The following NOC4L variants were observed in gnomAD, a reference collection of about 807,000 sequenced individuals.
NOC4L encodes nucleolar complex associated 4 homolog, also known as nucleolar complex protein 4 homolog.
NOC4L carries 40 observed loss-of-function variants against 62.8 expected under a neutral mutation model. The observed-to-expected ratio is 0.64, with a 90% CI of 0.49 to 0.83. The LOEUF (loss-of-function observed/expected upper bound fraction) is 0.83. Ranked by LOEUF, NOC4L falls within the 40% of genes least tolerant of loss-of-function variation. The probability of loss-of-function intolerance (pLI) is 0.00; values close to 1 mark genes in which losing one functional copy is unlikely to be tolerated. For missense variants in NOC4L, 927 were observed against 701.9 expected (o/e 1.32, Z -3.62); for synonymous variants, 433 against 299.8 (o/e 1.44, Z -4.59).
At chr12:132,148,570 G>A (rs559734025) in intron 7 of NOC4L, 39 bp from the exon 8 acceptor site, 2 of 1,548,748 alleles carry the variant, frequency 1.3e-6, no homozygotes, top group East Asian at 4.9e-5. Context: ...CTGGTCTGGG[G>A]TGGGGAGGGC....
In NOC4L at chr12:132,152,378, G is replaced by A; in HGVS notation, c.1528G>A (p.Ala510Thr). The A allele has an allele frequency of 6.3e-7, 1 of 1,580,300 alleles. No homozygotes were observed. Among genetic ancestry groups the A allele is most frequent in the Non-Finnish European group, 8.6e-7 (1 of 1,162,068 alleles). The change falls in exon 15 of 15, where the codon GCC becomes ACC. Residue 510 changes from alanine (A) to threonine (T), a missense_variant. Physicochemically the swap from Ala to Thr is moderately conservative, Grantham distance 58 (BLOSUM62 0). Coordinates refer to ENST00000330579, the MANE Select transcript of NOC4L (RefSeq NM_024078.3). Reference sequence around the variant, plus strand: ...GCTGGGACGGCCGGGTGAACTCTGTGCCCAGCACTTCACGCTCAGCTGACC... The same window carrying A: ...GCTGGGACGGCCGGGTGAACTCTGTACCCAGCACTTCACGCTCAGCTGACC... ...GLLGRPGELC[A>T]QHFTLS
At chr12:132,148,284 C>T (rs768679840) in intron 7 of NOC4L, among the ~76,000 whole-genome samples, 178 bp downstream of exon 7, 23 of 152,302 alleles carry the variant, frequency 1.5e-4, no homozygotes, top group East Asian at 3.9e-4. Context: ...CCTGTGAACT[C>T]GGGACCCTCC....
chr12:132,148,717 G>C (rs1362432025), intron 8 of NOC4L, 58 bp downstream of exon 8: 5 of 1,485,528 alleles, frequency 3.4e-6, no homozygotes, highest in Non-Finnish European at 3.6e-6. Flanking sequence ...CCAGGGCGGA[G>C]GCCTCACCCC....
In NOC4L at chr12:132,147,958, A is replaced by G. The variant is rs1565959411; in HGVS notation, c.682A>G (p.Ser228Gly). 6.2e-7 allele frequency: 1 copy of G among 1,610,140 alleles called. No homozygotes were observed. The change falls in exon 6 of 15, where the codon AGC becomes GGC. Residue 228 changes from serine to glycine, a missense_variant. Transcript: ENST00000330579. ...SLPRREPTVS[S>G]FYVKRAELWD... ...GCCCCGCCGGGAGCCCACCGTCTCC[A>G]GCTTCTATGTGAAGCGGGCGGGTGA... is the stretch of plus-strand genomic sequence containing the variant.
intron 3 of NOC4L, among the ~76,000 whole-genome samples, chr12:132,146,621 C>G (rs1386345811): frequency 1.3e-5 from 2 of 152,210 alleles, no homozygotes; most frequent in Non-Finnish European, 2.9e-5. Context: ...GCCAACACGT[C>G]TGTCTATAAT....
Position 132,151,331 on chromosome 12 carries a change from C to G in NOC4L, c.1036C>G (p.Arg346Gly), listed in dbSNP as rs745477959. The G allele has an allele frequency of 6.7e-5, 108 of 1,611,430 alleles. 2 individuals are homozygous for G. The South Asian group carries it at 1.2e-3, about 17-fold the overall frequency. Residue 346 changes from arginine (R) to glycine (G), a missense_variant, in exon 11 of 15, where the codon CGC (arginine) becomes GGC (glycine). Coordinates refer to ENST00000330579, the MANE Select transcript of NOC4L (RefSeq NM_024078.3). ...PSVFHVKYRA[R>G]FFHLADLFLS... ...TGTCTTTCACGTCAAGTACCGCGCC[C>G]GCTTCTTCCACCTGGCTGACCTCTT...
In NOC4L at chr12:132,148,103, G is replaced by C. The variant is rs745832393; in HGVS notation, c.735G>C (p.Leu245=). 6 of 1,613,252 alleles carry C rather than the reference G, an allele frequency of 3.7e-6. No homozygotes were observed. The highest frequency in any genetic ancestry group is 5.1e-6 in the Non-Finnish European group (6 of 1,179,936). ...ELWDTWKVAH[L]KEHRRVFQAM... ...GGGACACCTGGAAGGTTGCTCACCT[G>C]AAGGTGAGTTGCTTCTGGAGAGCCG... Residue 245 remains leucine (L), a synonymous_variant, in exon 7 of 15, where the codon CTG becomes CTC. Transcript: ENST00000330579.
rs1323272226 is a variant in NOC4L at position 132,144,555 on chromosome 12, G to C, written c.67G>C (p.Ala23Pro). The change falls in exon 1 of 15, where the codon GCG becomes CCG. Residue 23 changes from alanine (A) to proline (P), a missense_variant. Transcript: ENST00000330579. ...GGGCCGCCGGCTGGAGGCGGTGCTG[G>C]CGAGCCGCAGTGAGGCCAACGCCGT... Reference protein sequence around the residue: ...ALGRRLEAVLASRSEANAVFD... With the variant: ...ALGRRLEAVLPSRSEANAVFD... The C allele has an allele frequency of 6.6e-7, 1 of 1,520,846 alleles. No individual in the cohort carries two copies. Among genetic ancestry groups the C allele is most frequent in the Admixed American group, 2.0e-5 (1 of 49,792 alleles). 94.2% of individuals were successfully genotyped at this position (1,520,846 alleles called of 1,614,324 possible).
In NOC4L at chr12:132,148,949, G is replaced by A. The variant is rs1339073782; in HGVS notation, c.901+54G>A. ...ACCCCTAATCCCCTCGGTGAGTGCCGCCGCCTCACTCCTACCACACCCCTA... is the reference window on the plus strand; with the variant it reads ...ACCCCTAATCCCCTCGGTGAGTGCCACCGCCTCACTCCTACCACACCCCTA... On this transcript the variant is annotated intron_variant, in intron 9 of 14. Coordinates refer to ENST00000330579, the MANE Select transcript of NOC4L (RefSeq NM_024078.3). The A allele has an allele frequency of 4.0e-5, 15 of 375,616 alleles. 1 individual carries two copies. Among genetic ancestry groups the A allele is most frequent in the African/African-American group, 2.7e-4 (9 of 33,054 alleles). 23.3% of individuals were successfully genotyped at this position (375,616 alleles called of 1,614,324 possible).
In NOC4L at chr12:132,152,412, C is replaced by G; in HGVS notation, c.*11C>G. ...TTCACGCTCAGCTGACCCTGGCCCA[C>G]CTGTGAATAAATCTCAGCTGACCCC... On this transcript the variant is annotated 3_prime_UTR_variant, in exon 15 of 15. Transcript: ENST00000330579. 6.4e-7 allele frequency: 1 copy of G among 1,569,686 alleles called. No homozygotes were observed. Among genetic ancestry groups the G allele is most frequent in the Non-Finnish European group, 8.7e-7 (1 of 1,154,512 alleles).
chr12:132,152,317 G>C lies in NOC4L; in HGVS notation c.1467G>C (p.Glu489Asp), dbSNP rs541619548. The C allele has an allele frequency of 6.4e-7, 1 of 1,563,726 alleles. No individual in the cohort carries two copies. Among genetic ancestry groups the C allele is most frequent in the African/African-American group, 1.4e-5 (1 of 73,570 alleles). Residue 489 changes from glutamate to aspartate, a missense_variant, in exon 15 of 15, where the codon GAG (glutamate) becomes GAC (aspartate). Glu to Asp is a conservative substitution (Grantham distance 45). Transcript: ENST00000330579. ...FERDLKKKGP[E>D]PVPLEFIPAQ... ...GGGACCTGAAGAAGAAGGGGCCCGAGCCGGTGCCACTGGAGTTTATCCCAG... is the reference window on the plus strand; with the variant it reads ...GGGACCTGAAGAAGAAGGGGCCCGACCCGGTGCCACTGGAGTTTATCCCAG...
chr12:132,151,545 G>A lies in NOC4L; in HGVS notation c.1135G>A (p.Ala379Thr), dbSNP rs772628767. Residue 379 changes from alanine to threonine, a missense_variant, in exon 12 of 15, where the codon GCT (alanine) becomes ACT (threonine). Ala to Thr is a moderately conservative substitution (Grantham distance 58). Coordinates refer to ENST00000330579, the MANE Select transcript of NOC4L (RefSeq NM_024078.3). ...GCGGCTGGCCCGCCTGGCCCTGACG[G>A]CTCCCCCTGAGGCCCTGCTCATGGT... Reference protein sequence around the residue: ...AKRLARLALTAPPEALLMVLP... With the variant: ...AKRLARLALTTPPEALLMVLP... 1.9e-6 allele frequency: 3 copies of A among 1,608,746 alleles called. No individual in the cohort carries two copies. The highest frequency in any genetic ancestry group is 2.7e-5 in the African/African-American group (2 of 74,858).
In NOC4L at chr12:132,151,313, C is replaced by T; in HGVS notation, c.1018C>T (p.His340Tyr). ...LYGLLDPSVF[H>Y]VKYRARFFHL... ...CGGCCTCTTGGACCCCTCTGTCTTT[C>T]ACGTCAAGTACCGCGCCCGCTTCTT... The change falls in exon 11 of 15, where the codon CAC becomes TAC. Residue 340 changes from histidine (H) to tyrosine (Y), a missense_variant. His to Tyr is a moderately conservative substitution (Grantham distance 83, BLOSUM62 2). Coordinates refer to ENST00000330579, the MANE Select transcript of NOC4L (RefSeq NM_024078.3). 1.2e-6 allele frequency: 2 copies of T among 1,611,994 alleles called. No individual in the cohort carries two copies. Among genetic ancestry groups the T allele is most frequent in the African/African-American group, 1.3e-5 (1 of 75,060 alleles).
At position 132,147,941 on chromosome 12, in the gene NOC4L, G is replaced by A. The variant is rs761309796; in HGVS notation, c.665G>A (p.Arg222Gln). The A allele has an allele frequency of 1.6e-5, 26 of 1,607,880 alleles. No homozygotes were observed. Among genetic ancestry groups the A allele is most frequent in the African/African-American group, 2.7e-5 (2 of 74,940 alleles). ...CTGTCTGCCGTGAGCCTGCCCCGCCGGGAGCCCACCGTCTCCAGCTTCTAT... is the reference window on the plus strand; with the variant it reads ...CTGTCTGCCGTGAGCCTGCCCCGCCAGGAGCCCACCGTCTCCAGCTTCTAT... ...TLLSAVSLPR[R>Q]EPTVSSFYVK... is the part of the protein sequence containing the mutation. The change falls in exon 6 of 15, where the codon CGG becomes CAG. Residue 222 changes from arginine to glutamine, a missense_variant. Arg to Gln is a conservative substitution (Grantham distance 43, BLOSUM62 1). Coordinates refer to ENST00000330579, the MANE Select transcript of NOC4L (RefSeq NM_024078.3).
At position 132,151,730 on chromosome 12, in the gene NOC4L, AT is replaced by A. The variant is rs778428978; in HGVS notation, c.1235-6del. On this transcript the variant is annotated splice_polypyrimidine_tract_variant and splice_region_variant and intron_variant, in intron 12 of 14. Transcript: ENST00000330579. ...GACGGCAGACAAGGGCCCACGTCTC[AT>A]TCCTAGAGTTGGACGCCGACCCCTA... The A allele has an allele frequency of 5.0e-6, 8 of 1,612,050 alleles. No individual in the cohort carries two copies. The African/African-American group carries it at 8.0e-5, about 16-fold the overall frequency.
Position 132,147,360 on chromosome 12 carries a change from A to G in NOC4L, c.425A>G (p.Asn142Ser). ...HPLEKSKWEG[N>S]YLFPRELFKL... ...CTGGAGAAGTCCAAGTGGGAAGGCAACTACCTGTTCCCCCGAGAGCTCTTC... is the reference window on the plus strand; with the variant it reads ...CTGGAGAAGTCCAAGTGGGAAGGCAGCTACCTGTTCCCCCGAGAGCTCTTC... The change falls in exon 4 of 15, where the codon AAC (asparagine) becomes AGC (serine). Residue 142 changes from asparagine (N) to serine (S), a missense_variant. Asn to Ser is a conservative substitution (Grantham distance 46). Coordinates refer to ENST00000330579, the MANE Select transcript of NOC4L (RefSeq NM_024078.3). 6.3e-7 allele frequency: 1 copy of G among 1,597,736 alleles called. No homozygotes were observed. Among genetic ancestry groups the G allele is most frequent in the South Asian group, 1.1e-5 (1 of 88,592 alleles).
chr12:132,146,056 A>G (rs1180419003), intron 3 of NOC4L, among the ~76,000 whole-genome samples: 1 of 152,334 alleles, frequency 6.6e-6, no homozygotes, highest in African/African-American at 2.4e-5. Flanking sequence ...AAAGCTGAGA[A>G]GTTAGCATCT....
In NOC4L at chr12:132,148,912, CGCTCACACCACACCCCTA is replaced by C; in HGVS notation, c.901+18_901+35del. The C allele has an allele frequency of 2.0e-5, 22 of 1,115,328 alleles. No individual in the cohort carries two copies. In the South Asian group the frequency reaches 3.3e-4, roughly 17 times the overall value. 69.1% of individuals were successfully genotyped at this position (1,115,328 alleles called of 1,614,324 possible). On this transcript the variant is annotated intron_variant, in intron 9 of 14. Transcript: ENST00000330579. ...GCGACCTCGGTGAGTGCCGCCGCCTCGCTCACACCACACCCCTAATCCCCTCGGTGAGTGCCGCCGCCT... is the reference window on the plus strand; with the variant it reads ...GCGACCTCGGTGAGTGCCGCCGCCTCATCCCCTCGGTGAGTGCCGCCGCCT...
Position 132,148,603 on chromosome 12 carries a change from T to A in NOC4L, c.739-6T>A. 6.5e-7 allele frequency: 1 copy of A among 1,549,552 alleles called. No homozygotes were observed. The highest frequency in any genetic ancestry group is 8.7e-7 in the Non-Finnish European group (1 of 1,146,262). On this transcript the variant is annotated splice_region_variant and splice_polypyrimidine_tract_variant and intron_variant, in intron 7 of 14. Transcript: ENST00000330579. ...GGCGGCGAGTGCAGTCTGGACCCCG[T>A]TGCAGGAGCACAGGAGGGTTTTCCA...
Sources: gnomAD v4.1 joint callset for allele counts (sites outside exome capture counted in the v4.1 genomes callset) on GRCh38, gnomAD v4.1.1 for gene constraint, MANE v1.5 for transcripts, NCBI Gene and HGNC (gene_info 2026-07-23, HGNC 2026-07-21) for gene names.